DENND4C: variants seen among roughly 807,000 people sequenced by gnomAD.
The protein encoded by DENND4C is DENN domain containing 4C, also known as DENN domain-containing protein 4C.
Under a neutral mutation model 203.0 loss-of-function variants are expected in DENND4C, and 108 were observed. The ratio of observed to expected loss-of-function variants is 0.53; its 90% CI spans 0.46 to 0.62. The LOEUF is 0.62. Ranked by LOEUF, DENND4C falls within the 20% of genes least tolerant of loss-of-function variation. DENND4C has a pLI of 0.00. For missense variants in DENND4C, 2,481 were observed against 2,301.2 expected (o/e 1.08, Z -1.60); for synonymous variants, 871 against 792.4 (o/e 1.10, Z -1.67).
At chr9:19,347,883 A>G (rs1823248664) in intron 23 of DENND4C, among the ~76,000 whole-genome samples, 1 of 152,194 alleles carries the variant, frequency 6.6e-6, no homozygotes, top group Admixed American at 6.5e-5. Flanking sequence ...TTCATACCAC[A>G]TGGCAAAAAT....
At chr9:19,291,750 A>G (rs1349808252) in intron 5 of DENND4C, among the ~76,000 whole-genome samples, 1 of 152,004 alleles carries the variant, frequency 6.6e-6, no homozygotes, top group Non-Finnish European at 1.5e-5. Context: ...ACATGAAGGG[A>G]TAATTAATGA....
chr9:19,318,650 G>T (rs1382621145), intron 12 of DENND4C, among the ~76,000 whole-genome samples: 1 of 152,156 alleles, frequency 6.6e-6, no homozygotes, highest in Non-Finnish European at 1.5e-5. Flanking sequence ...TAGTTAGCAG[G>T]TTTGATTTCT....
At chr9:19,339,549 C>G (rs1049804397) in intron 20 of DENND4C, among the ~76,000 whole-genome samples, 2 of 152,216 alleles carry the variant, frequency 1.3e-5, no homozygotes, top group Non-Finnish European at 2.9e-5. Flanking sequence ...CAGGCACACA[C>G]AGTCTGACCT....
chr9:19,279,347 G>T (rs1833561272), intron 2 of DENND4C, among the ~76,000 whole-genome samples: 1 of 151,296 alleles, frequency 6.6e-6, no homozygotes, highest in African/African-American at 2.4e-5. Flanking sequence ...GAGGAGGATT[G>T]CTTGAGGCCA....
chr9:19,357,743 T>C, intron 27 of DENND4C: 1 of 426,844 alleles, frequency 2.3e-6, no homozygotes, highest in Non-Finnish European at 4.2e-6. Context: ...ATATCTACAA[T>C]ATGTCATCTT....
intron 17 of DENND4C, among the ~76,000 whole-genome samples, chr9:19,332,841 A>AC (rs1415573445): frequency 1.5e-5 from 2 of 135,714 alleles, no homozygotes; most frequent in Non-Finnish European, 3.1e-5. Flanking sequence ...TGGCTCTTGA[A>AC]CCCCCACCTT....
At chr9:19,282,908 A>C (rs568342318) in intron 2 of DENND4C, among the ~76,000 whole-genome samples, 3 of 151,128 alleles carry the variant, frequency 2.0e-5, no homozygotes, top group Non-Finnish European at 4.4e-5. Context: ...CAGTAGAGAC[A>C]GGGTTTCACC....
intron 1 of DENND4C, among the ~76,000 whole-genome samples, chr9:19,237,443 C>T (rs1394043368): frequency 1.3e-5 from 2 of 152,116 alleles, no homozygotes; most frequent in Admixed American, 6.6e-5. Flanking sequence ...CCTCCGCATC[C>T]CGAGTTCAAG....
Position 19,290,809 on chromosome 9 carries a change from A to G in DENND4C, c.734A>G (p.Asp245Gly), listed in dbSNP as rs1245213092. ...ATGGGAGCTACTATTGAGTGCTGGG[A>G]TCCTGAAACCAAATATCCACTTCCA... ...LPMGATIECWDPETKYPLPVF... is the reference protein window; with the variant it reads ...LPMGATIECWGPETKYPLPVF... The change falls in exon 5 of 33, where the codon GAT (aspartate) becomes GGT (glycine). Residue 245 changes from aspartate to glycine, a missense_variant. Around this residue, in one of 3 missense-constraint regions of DENND4C, gnomAD observed 2,289 missense variants for 2,113.3 expected, o/e 1.08. Transcript: ENST00000434457. 1 of 1,613,426 alleles carries G rather than the reference A, an allele frequency of 6.2e-7. No individual in the cohort carries two copies. The highest frequency in any genetic ancestry group is 1.7e-5 in the Admixed American group (1 of 59,972).
chr9:19,335,135 G>T, intron 18 of DENND4C, 30 bp downstream of exon 18: 1 of 1,453,968 alleles, frequency 6.9e-7, no homozygotes, highest in South Asian at 1.6e-5. Flanking sequence ...GGCAAGATGT[G>T]GTGTTTATTA....
chr9:19,238,082 T>C (rs1310820298), intron 1 of DENND4C, among the ~76,000 whole-genome samples: 1 of 151,120 alleles, frequency 6.6e-6, no homozygotes, highest in Non-Finnish European at 1.5e-5. Context: ...TTTCTTTCTT[T>C]CTTTTTTTTT....
intron 16 of DENND4C, among the ~76,000 whole-genome samples, chr9:19,328,620 A>AG (rs1818347842): frequency 6.7e-6 from 1 of 148,634 alleles, no homozygotes; most frequent in African/African-American, 2.5e-5. Context: ...TCTCAAAAAA[A>AG]GTCTATATAT....
rs116097803 is a variant in DENND4C at position 19,351,178 on chromosome 9, A to T, written c.4495+299A>T. Reference sequence around the variant, plus strand: ...GCCTTATGATCTATTCTGATCTTGTATGATTTATAACTACTGTGGTCACCT... The same window carrying T: ...GCCTTATGATCTATTCTGATCTTGTTTGATTTATAACTACTGTGGTCACCT... On this transcript the variant is annotated intron_variant, in intron 24 of 32. Coordinates refer to ENST00000434457, the MANE Select transcript of DENND4C (RefSeq NM_001330640.2). Among the ~76,000 whole-genome samples, 1,117 of 152,294 alleles carry T rather than the reference A, an allele frequency of 7.3e-3. 18 individuals carry two copies. The highest frequency in any genetic ancestry group is 0.026 in the African/African-American group (1,080 of 41,560).
At chr9:19,232,412 T>G (rs1820809706) in intron 1 of DENND4C, among the ~76,000 whole-genome samples, 1 of 150,368 alleles carries the variant, frequency 6.7e-6, no homozygotes, top group East Asian at 1.9e-4. Flanking sequence ...ACTGATCATA[T>G]GCGACTTGAC....
intron 1 of DENND4C, among the ~76,000 whole-genome samples, chr9:19,232,414 C>T (rs1312206907): frequency 1.3e-5 from 2 of 149,562 alleles, no homozygotes; most frequent in Admixed American, 1.4e-4. Flanking sequence ...TGATCATATG[C>T]GACTTGACTT....
In DENND4C at chr9:19,346,534, T is replaced by C. The variant is rs768592167; in HGVS notation, c.3765T>C (p.Leu1255=). 4 of 1,614,160 alleles carry C rather than the reference T, an allele frequency of 2.5e-6. No individual in the cohort carries two copies. Among genetic ancestry groups the C allele is most frequent in the East Asian group, 2.2e-5 (1 of 44,884 alleles). The change falls in exon 23 of 33, where the codon CTT becomes CTC. Residue 1255 remains leucine (L), a synonymous_variant. Transcript: ENST00000434457. ...AAACTGGACTAGATCCTTTGTCTCT[T>C]TTAGCCACTGAATGTACAGGAGGAA... The part of the protein sequence containing the change: ...DVETGLDPLS[L]LATECTGGKT...
At position 19,298,048 on chromosome 9, in the gene DENND4C, T is replaced by G. The variant is rs984650743; in HGVS notation, c.1041-8T>G. 6 of 1,602,082 alleles carry G rather than the reference T, an allele frequency of 3.7e-6. No individual in the cohort carries two copies. The highest frequency in any genetic ancestry group is 5.1e-6 in the Non-Finnish European group (6 of 1,174,112). On this transcript the variant is annotated splice_polypyrimidine_tract_variant and splice_region_variant and intron_variant, in intron 6 of 32. Coordinates refer to ENST00000434457, the MANE Select transcript of DENND4C (RefSeq NM_001330640.2). ...ATTATTATATTTATTTCAAATTTTT[T>G]TTTCTAGGCACATTTCACATTTTAT...
chr9:19,281,031 G>A (rs994257498), intron 2 of DENND4C, among the ~76,000 whole-genome samples: 7 of 152,136 alleles, frequency 4.6e-5, no homozygotes, highest in Admixed American at 3.3e-4. Context: ...GTGAGCCACT[G>A]TGCCGGGCCA....
intron 1 of DENND4C, among the ~76,000 whole-genome samples, chr9:19,231,132 T>C (rs1820430330): frequency 6.6e-6 from 1 of 152,106 alleles, no homozygotes; most frequent in South Asian, 2.1e-4. Context: ...ATCGTTTGCG[T>C]ACAAGCGCGA....
Sources: gnomAD v4.1 joint callset for allele counts (sites outside exome capture counted in the v4.1 genomes callset) on GRCh38, gnomAD v4.1.1 for gene constraint, gnomAD v4.1.1 regional missense constraint, MANE v1.5 for transcripts, NCBI Gene and HGNC (gene_info 2026-07-23, HGNC 2026-07-21) for gene names.